Variants in NDE1 observed in about 807,000 individuals in gnomAD.
The protein encoded by NDE1 is nuclear distribution protein nudE homolog 1.
In NDE1, 28 loss-of-function variants were observed where a neutral mutation model predicts 43.4. The observed-to-expected ratio is 0.65, with a 90% CI of 0.48 to 0.89. NDE1 has a LOEUF of 0.89. Ranked by LOEUF, NDE1 falls within the 40% of genes least tolerant of loss-of-function variation. The pLI, the probability that NDE1 is intolerant of heterozygous loss-of-function variation, is 0.00. For missense variants in NDE1, 441 were observed against 434.1 expected (o/e 1.02, Z -0.14); for synonymous variants, 184 against 172.0 (o/e 1.07, Z -0.55).
chr16:15,700,985 T>G (rs1433767953), intron 8 of NDE1, among the ~76,000 whole-genome samples: 4 of 152,062 alleles, frequency 2.6e-5, no homozygotes, highest in Non-Finnish European at 5.9e-5. Context: ...CCGGTAATCC[T>G]AAGACTTTGG....
chr16:15,715,617 G>A (rs749485807), intron 8 of NDE1, among the ~76,000 whole-genome samples: 7 of 152,148 alleles, frequency 4.6e-5, no homozygotes, highest in Non-Finnish European at 8.8e-5. Flanking sequence ...TACAGGGCAT[G>A]GGGTTTCTAT....
chr16:15,724,014 C>G, intron 8 of NDE1, 177 bp from the exon 9 acceptor site: 2 of 1,402,626 alleles, frequency 1.4e-6, no homozygotes, highest in South Asian at 2.4e-5. Context: ...CATGGTCGCC[C>G]AAGACAAGAT....
intron 3 of NDE1, among the ~76,000 whole-genome samples, chr16:15,671,300 T>G (rs1458359864): frequency 1.3e-5 from 2 of 151,992 alleles, no homozygotes; most frequent in Non-Finnish European, 2.9e-5. Flanking sequence ...GACCAGGAGT[T>G]CAAGGCCAGC....
rs574461387 is a variant in NDE1, at chr16:15,717,385, G to T, written c.948-6806G>T. ...AGTGAAGGCCATGAGGCGGACTCAG[G>T]GAAGCCCAAGAGAGCGCACTGAGAC... On this transcript the variant is annotated intron_variant, in intron 8 of 8. Coordinates refer to ENST00000396354, the MANE Select transcript of NDE1 (RefSeq NM_017668.3). The T allele has an allele frequency of 1.9e-6, 3 of 1,599,308 alleles. No individual in the cohort carries two copies. The East Asian group carries it at 6.7e-5, about 36-fold the overall frequency.
chr16:15,663,241 C>CT (rs35559905), intron 1 of NDE1, among the ~76,000 whole-genome samples: 357 of 140,450 alleles, frequency 2.5e-3, no homozygotes, highest in East Asian at 4.1e-3. Context: ...CTTTCATATT[C>CT]TTTTTTTTTT....
intron 2 of NDE1, among the ~76,000 whole-genome samples, chr16:15,666,845 A>G: frequency 6.6e-6 from 1 of 152,152 alleles, no homozygotes; most frequent in East Asian, 1.9e-4. Context: ...GCTGGTCTGG[A>G]ACTCCTGGCC....
intron 8 of NDE1, chr16:15,703,925 G>T (rs1555546978): frequency 1.9e-6 from 3 of 1,606,348 alleles, no homozygotes; most frequent in Admixed American, 1.7e-5. Context: ...TTGTTGTTGG[G>T]TTTTTTTTGT....
chr16:15,643,727 G>A (rs2036214154), exon 1 of NDE1: 1 of 216,922 alleles, frequency 4.6e-6, no homozygotes, highest in Non-Finnish European at 9.3e-6. Flanking sequence ...GAGGTCCCCC[G>A]GAGTTCTCGC....
chr16:15,647,922 A>G (rs2036363154), upstream of NDE1, among the ~76,000 whole-genome samples: 1 of 151,330 alleles, frequency 6.6e-6, no homozygotes, highest in Non-Finnish European at 1.5e-5. Context: ...GGTCCTAGCT[A>G]CTCCGGAGGA....
chr16:15,673,744 C>A (rs150710260), intron 3 of NDE1, among the ~76,000 whole-genome samples: 41 of 152,164 alleles, frequency 2.7e-4, no homozygotes, highest in African/African-American at 9.4e-4. Flanking sequence ...GTTGCCTAGG[C>A]TAATATGCCT....
intron 6 of NDE1, among the ~76,000 whole-genome samples, chr16:15,691,802 T>C (rs1223489335): frequency 2.6e-5 from 4 of 151,826 alleles, no homozygotes; most frequent in African/African-American, 9.7e-5. Flanking sequence ...CTAACTTTTG[T>C]ATTTTAGGTG....
chr16:15,686,275 T>C (rs763303921), intron 4 of NDE1: 1 of 767,632 alleles, frequency 1.3e-6, no homozygotes, highest in Non-Finnish European at 1.6e-6. Context: ...TGCCACCCCT[T>C]CCCCACCACA....
intron 8 of NDE1, chr16:15,714,376 G>A (rs1281371788): frequency 5.7e-6 from 1 of 174,146 alleles, no homozygotes; most frequent in Non-Finnish European, 1.2e-5. Context: ...GGGGACTACT[G>A]CAGCCGGTGG....
intron 7 of NDE1, chr16:15,694,798 C>T: frequency 1.0e-6 from 1 of 985,352 alleles, no homozygotes; most frequent in Non-Finnish European, 1.2e-6. Flanking sequence ...TTTCCTTTTA[C>T]CGTTTTTCCT....
At chr16:15,680,335 G>A (rs767509938) in intron 4 of NDE1, among the ~76,000 whole-genome samples, 1 of 152,058 alleles carries the variant, frequency 6.6e-6, no homozygotes. Flanking sequence ...TGGAGCTTTA[G>A]GCAAAAATCT....
At chr16:15,646,314 C>T (rs1271117532), upstream of NDE1, among the ~76,000 whole-genome samples, 1 of 152,152 alleles carries the variant, frequency 6.6e-6, no homozygotes, top group Non-Finnish European at 1.5e-5. Context: ...CAGTGGCTCA[C>T]GCCTGTAATC....
intron 6 of NDE1, 140 bp from the exon 7 acceptor site, chr16:15,694,025 G>A (rs1423205102): frequency 6.9e-6 from 7 of 1,015,440 alleles, no homozygotes; most frequent in South Asian, 5.8e-5. Context: ...GGTTAACTAC[G>A]GAAAGAAATA....
intron 8 of NDE1, 116 bp downstream of exon 8, chr16:15,696,976 C>CT (rs1283653235): frequency 6.5e-7 from 1 of 1,542,998 alleles, no homozygotes; most frequent in Non-Finnish European, 8.7e-7. Flanking sequence ...ATTATTTCAG[C>CT]AAACCTTATC....
At chr16:15,709,516 T>C (rs1331924228) in intron 8 of NDE1, among the ~76,000 whole-genome samples, 2 of 152,078 alleles carry the variant, frequency 1.3e-5, no homozygotes, top group Non-Finnish European at 2.9e-5. Context: ...AGTTTCACCA[T>C]GTTGGCCATG....
Sources: allele counts gnomAD v4.1 joint callset (sites outside exome capture counted in the v4.1 genomes callset), GRCh38; gene constraint gnomAD v4.1.1; transcripts MANE v1.5; gene names NCBI Gene and HGNC (gene_info 2026-07-23, HGNC 2026-07-21).